Variants in PITX3 observed in about 807,000 individuals in gnomAD.
The protein encoded by PITX3 is paired like homeodomain 3, also known as pituitary homeobox 3.
Under a neutral mutation model 14.2 loss-of-function variants are expected in PITX3, and 4 were observed. The ratio of observed to expected loss-of-function variants is 0.28; its 90% CI spans 0.14 to 0.65. The LOEUF (loss-of-function observed/expected upper bound fraction) is 0.65. Ranked by LOEUF, PITX3 falls within the 30% of genes least tolerant of loss-of-function variation. The pLI, the probability that PITX3 is intolerant of heterozygous loss-of-function variation, is 0.82. For synonymous variants in PITX3, 194 were observed against 204.5 expected, an observed-to-expected ratio of 0.95 and a Z score of 0.44; for missense variants, 358 against 426.8, an observed-to-expected ratio of 0.84 and a Z score of 1.42.
rs762272237 is a variant in PITX3, at chr10:102,231,150, G to C, written c.322-49C>G. 5.5e-6 allele frequency: 8 copies of C among 1,460,676 alleles called. No individual in the cohort carries two copies. In the African/African-American group the frequency reaches 1.0e-4, roughly 19 times the overall value. 90.5% of individuals were successfully genotyped at this position (1,460,676 alleles called of 1,614,324 possible). Reference sequence around the variant, plus strand: ...TCAGGGCCCGGGGCCGGGTCCCAGCGGCTGAAGGGCGGGCCACCCCGACGG... The same window carrying C: ...TCAGGGCCCGGGGCCGGGTCCCAGCCGCTGAAGGGCGGGCCACCCCGACGG... On this transcript the variant is annotated intron_variant, in intron 3 of 3. Coordinates refer to ENST00000370002, the MANE Select transcript of PITX3 (RefSeq NM_005029.4).
intron 1 of PITX3, among the ~76,000 whole-genome samples, chr10:102,236,116 G>A (rs930904666): frequency 6.6e-6 from 1 of 152,196 alleles, no homozygotes; most frequent in African/African-American, 2.4e-5. Flanking sequence ...GCCGACTCAC[G>A]TCCGGGTGGG....
rs1283036324 is a variant in PITX3 at position 102,231,804 on chromosome 10, T to G, written c.119-14A>C. On this transcript the variant is annotated splice_polypyrimidine_tract_variant and intron_variant, in intron 2 of 3. Transcript: ENST00000370002. ...CCTTTTCTGAGTCTGGGGGCCAGGG[T>G]GGGGGCAGGTCACAGAGCGCCCAAG... 2 of 1,593,608 alleles carry G rather than the reference T, an allele frequency of 1.3e-6. No individual in the cohort carries two copies. Among genetic ancestry groups the G allele is most frequent in the South Asian group, 1.1e-5 (1 of 89,850 alleles).
intron 1 of PITX3, among the ~76,000 whole-genome samples, chr10:102,234,826 A>G (rs2070342401): frequency 6.6e-6 from 1 of 152,120 alleles, no homozygotes; most frequent in Non-Finnish European, 1.5e-5. Flanking sequence ...GCAGTTTTCC[A>G]AATTACCCTG....
chr10:102,235,474 G>A (rs2070369238), intron 1 of PITX3, among the ~76,000 whole-genome samples: 1 of 152,010 alleles, frequency 6.6e-6, no homozygotes, highest in Admixed American at 6.6e-5. Flanking sequence ...GTGTGTCCTC[G>A]GCAAGTTACT....
In PITX3 at chr10:102,240,916, G is replaced by A. The variant is rs113202558; in HGVS notation, c.-13+417C>T. On this transcript the variant is annotated intron_variant, in intron 1 of 3. Coordinates refer to ENST00000370002, the MANE Select transcript of PITX3 (RefSeq NM_005029.4). ...TCTGAGCCTAGGCCGAGGGGCATCG[G>A]GCGCCGTCAACTGCCCCCACACTGG... is the stretch of plus-strand genomic sequence containing the variant. Among the ~76,000 whole-genome samples the A allele has an allele frequency of 4.6e-3, 698 of 152,298 alleles. 9 individuals carry two copies. Among genetic ancestry groups the A allele is most frequent in the African/African-American group, 0.015 (629 of 41,572 alleles).
At chr10:102,237,406 G>C (rs1355181060) in intron 1 of PITX3, among the ~76,000 whole-genome samples, 1 of 152,150 alleles carries the variant, frequency 6.6e-6, no homozygotes, top group Non-Finnish European at 1.5e-5. Context: ...GGTGAGCCTA[G>C]GTTAGTCAGA....
chr10:102,239,857 GC>G (rs891153792), intron 1 of PITX3, among the ~76,000 whole-genome samples: 6 of 152,180 alleles, frequency 3.9e-5, no homozygotes, highest in African/African-American at 1.4e-4. Flanking sequence ...CTGTATCCCA[GC>G]TGCAGGGAAA....
intron 1 of PITX3, 86 bp from the exon 2 acceptor site, chr10:102,232,178 C>A: frequency 1.3e-6 from 1 of 766,404 alleles, no homozygotes; most frequent in Non-Finnish European, 2.2e-6. Context: ...CTCGTAAATT[C>A]CCTGGCGCCT....
intron 1 of PITX3, among the ~76,000 whole-genome samples, chr10:102,233,545 C>T (rs569707360): frequency 6.6e-6 from 1 of 152,298 alleles, no homozygotes; most frequent in East Asian, 1.9e-4. Context: ...CGCAGGTGAT[C>T]TGCCTGCCTC....
chr10:102,232,183 G>A, intron 1 of PITX3, 91 bp from the exon 2 acceptor site: 1 of 753,210 alleles, frequency 1.3e-6, no homozygotes, highest in East Asian at 2.7e-5. Context: ...AAATTCCCTG[G>A]CGCCTTTCTC....
At chr10:102,233,909 G>C (rs1420921861) in intron 1 of PITX3, among the ~76,000 whole-genome samples, 3 of 152,156 alleles carry the variant, frequency 2.0e-5, no homozygotes, top group Admixed American at 1.3e-4. Flanking sequence ...TTTTCTGCCT[G>C]CTCTCCCAGG....
At chr10:102,239,464 A>C (rs2070479003) in intron 1 of PITX3, among the ~76,000 whole-genome samples, 1 of 152,236 alleles carries the variant, frequency 6.6e-6, no homozygotes, top group Non-Finnish European at 1.5e-5. Context: ...CAAGCCCCTG[A>C]AAAGTGTATC....
At chr10:102,233,119 A>C (rs1039832368) in intron 1 of PITX3, among the ~76,000 whole-genome samples, 4 of 151,292 alleles carry the variant, frequency 2.6e-5, no homozygotes, top group Non-Finnish European at 5.9e-5. Flanking sequence ...TTATTATTTT[A>C]TTTTTCTGAT....
chr10:102,238,038 C>T (rs1366117427), intron 1 of PITX3, among the ~76,000 whole-genome samples: 1 of 152,112 alleles, frequency 6.6e-6, no homozygotes, highest in Admixed American at 6.5e-5. Flanking sequence ...AAAGGAGAAA[C>T]TATTAACTGA....
At chr10:102,236,025 C>T (rs1004925512) in intron 1 of PITX3, among the ~76,000 whole-genome samples, 2 of 152,008 alleles carry the variant, frequency 1.3e-5, no homozygotes, top group Non-Finnish European at 2.9e-5. Flanking sequence ...GGGACCTGAC[C>T]GTGAAACTGA....
chr10:102,235,668 A>G (rs188833730), intron 1 of PITX3, among the ~76,000 whole-genome samples: 1 of 152,306 alleles, frequency 6.6e-6, no homozygotes, highest in East Asian at 1.9e-4. Context: ...AGCACATTCT[A>G]TGAGCTGGGC....
Position 102,230,967 on chromosome 10 carries a change from C to A in PITX3, c.456G>T (p.Ser152=), listed in dbSNP as rs1036117364. The A allele has an allele frequency of 2.5e-6, 4 of 1,607,550 alleles. No homozygotes were observed. The Admixed American group carries it at 6.7e-5, about 27-fold the overall frequency. Residue 152 remains serine, a synonymous_variant, in exon 4 of 4, where the codon TCG becomes TCT. Coordinates refer to ENST00000370002, the MANE Select transcript of PITX3 (RefSeq NM_005029.4). ...PPYEEVYPGY[S]YGNWPPKALA... is the part of the protein sequence containing the mutation. ...GAGCCTTGGGCGGCCAGTTGCCGTA[C>A]GAGTAGCCGGGGTACACCTCCTCGT... is the stretch of plus-strand genomic sequence containing the variant.
At chr10:102,237,301 C>T (rs188230271) in intron 1 of PITX3, among the ~76,000 whole-genome samples, 45 of 152,142 alleles carry the variant, frequency 3.0e-4, no homozygotes, top group Admixed American at 7.8e-4. Context: ...AATATAGGCA[C>T]GTGACTGAAT....
Position 102,232,056 on chromosome 10 carries a change from C to T in PITX3, c.25G>A (p.Ala9Thr). 1 of 1,602,284 alleles carries T rather than the reference C, an allele frequency of 6.2e-7. No individual in the cohort carries two copies. Among genetic ancestry groups the T allele is most frequent in the South Asian group, 1.1e-5 (1 of 90,302 alleles). Residue 9 changes from alanine to threonine, a missense_variant, in exon 2 of 4, where the codon GCA becomes ACA. Transcript: ENST00000370002. MEFGLLSE[A>T]EARSPALSLS... ...GACAGGGCAGGGCTCCGGGCCTCTG[C>T]CTCGCTGAGCAGGCCGAACTCCATG...
Sources: allele counts gnomAD v4.1 joint callset (sites outside exome capture counted in the v4.1 genomes callset), GRCh38; gene constraint gnomAD v4.1.1; transcripts MANE v1.5; gene names NCBI Gene and HGNC (gene_info 2026-07-23, HGNC 2026-07-21).